CACNA1G: variants seen among roughly 807,000 people sequenced by gnomAD.
CACNA1G encodes voltage-dependent T-type calcium channel subunit alpha-1G.
In CACNA1G, 67 loss-of-function variants were observed where a neutral mutation model predicts 219.4. The ratio of observed to expected loss-of-function variants is 0.31; its 90% CI spans 0.25 to 0.37. The LOEUF is 0.37. CACNA1G is among the 10% of genes least tolerant of loss of function. The pLI, the probability that CACNA1G is intolerant of heterozygous loss-of-function variation, is 1.00. For synonymous variants in CACNA1G, 1,296 were observed against 1,345.3 expected (o/e 0.96, Z 0.80); for missense variants, 2,380 against 3,231.4 (o/e 0.74, Z 6.39).
intron 26 of CACNA1G, among the ~76,000 whole-genome samples, chr17:50,613,925 C>T (rs995342946): frequency 1.3e-5 from 2 of 152,086 alleles, no homozygotes; most frequent in African/African-American, 2.4e-5. Context: ...GCTCTGTTCT[C>T]GAACAAACAG....
chr17:50,625,891 A>T, intron 37 of CACNA1G, 126 bp from the exon 38 acceptor site: 1 of 1,025,656 alleles, frequency 9.7e-7, no homozygotes, highest in South Asian at 1.7e-5. Flanking sequence ...GGCTACCAGG[A>T]CCTCTGCTTA....
intron 5 of CACNA1G, 24 bp from the exon 6 acceptor site, chr17:50,572,530 C>T (rs1210505385): frequency 6.6e-7 from 1 of 1,510,970 alleles, no homozygotes; most frequent in Non-Finnish European, 8.9e-7. Flanking sequence ...CAGTCTCACC[C>T]CTGTTCCCCT....
rs1264242968 is a variant in CACNA1G, at chr17:50,571,232, G to C, written c.587-646G>C. Among the ~76,000 whole-genome samples, 1 of 152,200 alleles carries C rather than the reference G, an allele frequency of 6.6e-6. No homozygotes were observed. Among genetic ancestry groups the C allele is most frequent in the African/African-American group, 2.4e-5 (1 of 41,444 alleles). On this transcript the variant is annotated intron_variant, in intron 4 of 37. Transcript: ENST00000359106. This position sits in a 1 kb window ranked among gnomAD's most constrained non-coding sequence, Gnocchi z 4.3. ...GCAGGGAATAGTTTCAGGGAAGCAG[G>C]GCTCAGAGCCATAGTGAAGCACAGG... is the stretch of plus-strand genomic sequence containing the variant.
At chr17:50,591,402 G>A (rs370179552) in intron 10 of CACNA1G, 33 bp from the exon 11 acceptor site, 112 of 1,501,290 alleles carry the variant, frequency 7.5e-5, no homozygotes, top group Non-Finnish European at 9.4e-5. Flanking sequence ...GGGTGAAGGT[G>A]CAGGGGGCTC....
In CACNA1G at chr17:50,576,195, C is replaced by T. The variant is rs776242955; in HGVS notation, c.1793C>T (p.Pro598Leu). 1.1e-5 allele frequency: 18 copies of T among 1,609,744 alleles called. No homozygotes were observed. The South Asian group carries it at 1.7e-4, about 15-fold the overall frequency. Residue 598 changes from proline (P) to leucine (L), a missense_variant, in exon 8 of 38, where the codon CCA becomes CTA. Around this residue, in one of 17 missense-constraint regions of CACNA1G, gnomAD observed 434 missense variants for 417.3 expected, o/e 1.04. Transcript: ENST00000359106. ...KVYPTVHTSPPPETLKEKALV... is the reference protein window; with the variant it reads ...KVYPTVHTSPLPETLKEKALV... ...TATCCCACCGTGCACACCAGCCCTC[C>T]ACCGGAGACGCTGAAGGAGAAGGCA... is the stretch of plus-strand genomic sequence containing the variant.
At chr17:50,598,771 T>A (rs1392069293) in intron 16 of CACNA1G, among the ~76,000 whole-genome samples, 1 of 152,232 alleles carries the variant, frequency 6.6e-6, no homozygotes, top group Non-Finnish European at 1.5e-5. Context: ...GGAGTTTCAC[T>A]CTGTCACCCA....
chr17:50,609,931 G>C lies in CACNA1G; in HGVS notation c.4755G>C (p.Ala1585=). 6.2e-7 allele frequency: 1 copy of C among 1,610,072 alleles called. No individual in the cohort carries two copies. The highest frequency in any genetic ancestry group is 8.5e-7 in the Non-Finnish European group (1 of 1,179,346). The change falls in exon 26 of 38, where the codon GCG becomes GCC. Residue 1585 remains alanine, a synonymous_variant. Transcript: ENST00000359106. The part of the protein sequence containing the change: ...VIASGSSASA[A]SEAQCKPYYS... Reference sequence around the variant, plus strand: ...CTTCCGGCAGCTCAGCCAGCGCTGCGTCAGGTACTGCGTCTGGGGTGTGGG... The same window carrying C: ...CTTCCGGCAGCTCAGCCAGCGCTGCCTCAGGTACTGCGTCTGGGGTGTGGG...
At chr17:50,577,617 A>C (rs1032557930) in intron 8 of CACNA1G, among the ~76,000 whole-genome samples, 2 of 151,238 alleles carry the variant, frequency 1.3e-5, no homozygotes, top group Admixed American at 6.6e-5. Flanking sequence ...GCATGTGTGC[A>C]TATGTCTGGC....
chr17:50,573,418 C>T, intron 7 of CACNA1G: 1 of 273,074 alleles, frequency 3.7e-6, no homozygotes, highest in Non-Finnish European at 6.9e-6. Context: ...GAGATGATAC[C>T]ACCTCTCCCA....
chr17:50,609,241 G>A (rs987670709), intron 25 of CACNA1G, among the ~76,000 whole-genome samples: 1 of 152,126 alleles, frequency 6.6e-6, no homozygotes, highest in Non-Finnish European at 1.5e-5. Context: ...GGGTGGAGGT[G>A]GGAGGGGGCC....
chr17:50,607,240 A>G (rs2048146694), intron 24 of CACNA1G: 2 of 510,596 alleles, frequency 3.9e-6, no homozygotes. Flanking sequence ...GCAGTGGCTC[A>G]CACCTGTAAT....
intron 8 of CACNA1G, among the ~76,000 whole-genome samples, chr17:50,577,120 C>G (rs751098060): frequency 6.6e-6 from 1 of 152,132 alleles, no homozygotes; most frequent in Non-Finnish European, 1.5e-5. Flanking sequence ...GAACCCAGAG[C>G]GAAAGGTTTC....
intron 1 of CACNA1G, among the ~76,000 whole-genome samples, chr17:50,566,717 C>T (rs1197567619): frequency 6.6e-6 from 1 of 152,242 alleles, no homozygotes; most frequent in Non-Finnish European, 1.5e-5. Flanking sequence ...TTGATTCGTT[C>T]ATTCATTCAT....
chr17:50,624,324 T>TGG, intron 36 of CACNA1G, 36 bp from the exon 37 acceptor site: 35 of 1,177,596 alleles, frequency 3.0e-5, no homozygotes, highest in Non-Finnish European at 3.9e-5. Flanking sequence ...CTCCATTCTC[T>TGG]CCCCCCACCC....
At chr17:50,615,931 G>A (rs1043639111) in intron 27 of CACNA1G, among the ~76,000 whole-genome samples, 15 of 152,314 alleles carry the variant, frequency 9.8e-5, no homozygotes, top group South Asian at 2.1e-4. Flanking sequence ...CCTTCCAGCC[G>A]TCGGTTTCCC....
In CACNA1G at chr17:50,624,183, C is replaced by A. The variant is rs76392443; in HGVS notation, c.6229+108C>A. 2.4e-3 allele frequency: 3,316 copies of A among 1,408,614 alleles called. 4 individuals carry two copies. Among genetic ancestry groups the A allele is most frequent in the Non-Finnish European group, 3.0e-3 (3,021 of 1,020,808 alleles). The allele number at this position is 1,408,614 out of a possible 1,614,324, so 87.3% of individuals were successfully genotyped here. ...GGAACTGAGGCAGCCAAAGAGGTATCTCTGACCTCAGGGGAGCCTCCAGCC... is the reference window on the plus strand; with the variant it reads ...GGAACTGAGGCAGCCAAAGAGGTATATCTGACCTCAGGGGAGCCTCCAGCC... On this transcript the variant is annotated intron_variant, in intron 36 of 37. Coordinates refer to ENST00000359106, the MANE Select transcript of CACNA1G (RefSeq NM_018896.5).
At chr17:50,579,595 G>A (rs2041483179) in intron 9 of CACNA1G, among the ~76,000 whole-genome samples, 1 of 152,182 alleles carries the variant, frequency 6.6e-6, no homozygotes, top group Non-Finnish European at 1.5e-5. Flanking sequence ...CTAGCAAGCA[G>A]GTGCTGCAGT....
intron 25 of CACNA1G, 141 bp from the exon 26 acceptor site, chr17:50,609,741 T>G (rs1288226894): frequency 1.5e-6 from 1 of 665,024 alleles, no homozygotes; most frequent in African/African-American, 1.8e-5. Context: ...GGCTGGACAT[T>G]CAGAGCCAGC....
At position 50,596,366 on chromosome 17, in the gene CACNA1G, C is replaced by T. The variant is rs558047680; in HGVS notation, c.2980-196C>T. Among the ~76,000 whole-genome samples the T allele has an allele frequency of 4.6e-5, 7 of 152,240 alleles. No homozygotes were observed. In the East Asian group the frequency reaches 1.2e-3, roughly 25 times the overall value. ...CTTTTCTGAGGTGTGGCTGGAGAGG[C>T]AGAGGTGGTGGGGCCCTGGGAAGCC... On this transcript the variant is annotated intron_variant, in intron 14 of 37. Coordinates refer to ENST00000359106, the MANE Select transcript of CACNA1G (RefSeq NM_018896.5). This position sits in a 1 kb window ranked among gnomAD's most constrained non-coding sequence, Gnocchi z 4.8.
Sources: allele counts gnomAD v4.1 joint callset (sites outside exome capture counted in the v4.1 genomes callset), GRCh38; gene constraint gnomAD v4.1.1; regional missense constraint gnomAD v4.1.1; non-coding constraint Gnocchi (gnomAD v3.1); transcripts MANE v1.5; gene names NCBI Gene and HGNC (gene_info 2026-07-23, HGNC 2026-07-21).